COMMD10: variants seen among roughly 807,000 people sequenced by gnomAD.
The protein encoded by COMMD10 is COMM domain-containing protein 10.
In COMMD10, 33 loss-of-function variants were observed where a neutral mutation model predicts 28.9. The observed-to-expected ratio is 1.14, with a 90% CI of 0.87 to 1.53. COMMD10 has a LOEUF of 1.53. Among genes scored for constraint, COMMD10 ranks in the 40% most tolerant of loss-of-function variants. The pLI is 0.00. For synonymous variants in COMMD10, 110 were observed against 81.7 expected, an observed-to-expected ratio of 1.35 and a Z score of -1.87; for missense variants, 310 against 233.4, an observed-to-expected ratio of 1.33 and a Z score of -2.14.
At chr5:116,101,829 C>G (rs1213941999) in intron 4 of COMMD10, among the ~76,000 whole-genome samples, 1 of 152,152 alleles carries the variant, frequency 6.6e-6, no homozygotes, top group Non-Finnish European at 1.5e-5. Context: ...TTAAATGTAT[C>G]TGTTGGCCAT....
chr5:116,286,663 G>C (rs1451394036), intron 5 of COMMD10, among the ~76,000 whole-genome samples: 1 of 151,594 alleles, frequency 6.6e-6, no homozygotes, highest in African/African-American at 2.4e-5. Flanking sequence ...CGTATTTGTA[G>C]ATTTCCCAGT....
chr5:116,205,881 C>T (rs1748799304), intron 5 of COMMD10, among the ~76,000 whole-genome samples: 2 of 152,004 alleles, frequency 1.3e-5, no homozygotes, highest in African/African-American at 4.8e-5. Flanking sequence ...TATATATTTG[C>T]TTTACATTAT....
At chr5:116,157,237 T>C (rs1049763202) in intron 5 of COMMD10, among the ~76,000 whole-genome samples, 1 of 152,226 alleles carries the variant, frequency 6.6e-6, no homozygotes, top group African/African-American at 2.4e-5. Context: ...TTTTATTTTT[T>C]TAAATTGTGG....
intron 5 of COMMD10, among the ~76,000 whole-genome samples, chr5:116,288,519 C>T (rs1214106450): frequency 3.3e-5 from 5 of 151,790 alleles, no homozygotes; most frequent in Admixed American, 6.6e-5. Context: ...ATTTTTTCTT[C>T]AGATAAGCTC....
At chr5:116,251,513 A>T (rs537614377) in intron 5 of COMMD10, among the ~76,000 whole-genome samples, 6 of 146,720 alleles carry the variant, frequency 4.1e-5, no homozygotes, top group Non-Finnish European at 9.0e-5. Context: ...TCATTGTTCA[A>T]TTCCCACCTA....
chr5:116,164,899 C>T (rs1210380297), intron 5 of COMMD10, among the ~76,000 whole-genome samples: 1 of 152,086 alleles, frequency 6.6e-6, no homozygotes. Flanking sequence ...ATAGCCTGAG[C>T]CCTGGAATTT....
intron 5 of COMMD10, among the ~76,000 whole-genome samples, chr5:116,179,287 T>C (rs150118159): frequency 7.2e-5 from 11 of 152,266 alleles, no homozygotes; most frequent in African/African-American, 2.4e-4. Flanking sequence ...AAACAGATTT[T>C]AGGAATAATC....
intron 5 of COMMD10, among the ~76,000 whole-genome samples, chr5:116,145,794 C>A (rs868862999): frequency 6.6e-6 from 1 of 151,770 alleles, no homozygotes; most frequent in Admixed American, 6.6e-5. Flanking sequence ...GGCTCTTACC[C>A]CTTTGCTCAG....
intron 4 of COMMD10, among the ~76,000 whole-genome samples, chr5:116,133,617 A>G (rs139627964): frequency 7.9e-5 from 12 of 152,308 alleles, no homozygotes; most frequent in African/African-American, 2.6e-4. Context: ...TCTTACCTGT[A>G]TAGTACCTAC....
At chr5:116,113,010 A>C (rs927484673) in intron 4 of COMMD10, among the ~76,000 whole-genome samples, 3 of 152,192 alleles carry the variant, frequency 2.0e-5, no homozygotes, top group Non-Finnish European at 4.4e-5. Context: ...GGACTGGTCT[A>C]GTTTTCATGA....
At chr5:116,170,583 C>A (rs143961341) in intron 5 of COMMD10, among the ~76,000 whole-genome samples, 1 of 152,094 alleles carries the variant, frequency 6.6e-6, no homozygotes, top group Non-Finnish European at 1.5e-5. Flanking sequence ...TAACTTAAAA[C>A]TATACTACAA....
chr5:116,096,366 T>C (rs1459805452), intron 4 of COMMD10, among the ~76,000 whole-genome samples: 1 of 151,830 alleles, frequency 6.6e-6, no homozygotes, highest in African/African-American at 2.4e-5. Flanking sequence ...CTATTGGTAG[T>C]ATTTTTCAAA....
At chr5:116,258,277 A>C (rs1439838148) in intron 5 of COMMD10, among the ~76,000 whole-genome samples, 3 of 151,754 alleles carry the variant, frequency 2.0e-5, no homozygotes, top group African/African-American at 7.3e-5. Flanking sequence ...CCCCTAGATA[A>C]GATCTGTAGC....
intron 4 of COMMD10, among the ~76,000 whole-genome samples, chr5:116,133,419 T>A (rs1376170306): frequency 3.9e-5 from 6 of 152,242 alleles, no homozygotes; most frequent in African/African-American, 1.2e-4. Context: ...AATGTTCTGA[T>A]TAGTTTCTGT....
intron 4 of COMMD10, among the ~76,000 whole-genome samples, chr5:116,103,480 CTG>C (rs1277335671): frequency 6.6e-6 from 1 of 152,142 alleles, no homozygotes; most frequent in Non-Finnish European, 1.5e-5. Flanking sequence ...TGAGAAGTGT[CTG>C]TTCATATCCT....
Position 116,292,445 on chromosome 5 carries a change from A to G in COMMD10, c.571-6A>G, listed in dbSNP as rs750288311. ...CGTCTTTTTTTTTTTTTGTCTTTGT[A>G]AATAGCTAGAGACTATACAAGCACA... is the stretch of plus-strand genomic sequence containing the variant. On this transcript the variant is annotated splice_polypyrimidine_tract_variant and splice_region_variant and intron_variant, in intron 6 of 6. Transcript: ENST00000274458. The G allele has an allele frequency of 2.0e-6, 3 of 1,481,876 alleles. No homozygotes were observed. The highest frequency in any genetic ancestry group is 1.8e-6 in the Non-Finnish European group (2 of 1,116,512). The allele number at this position is 1,481,876 out of a possible 1,614,324, so 91.8% of individuals were successfully genotyped here.
intron 5 of COMMD10, among the ~76,000 whole-genome samples, chr5:116,138,803 AT>A (rs1377883944): frequency 6.6e-6 from 1 of 151,750 alleles, no homozygotes; most frequent in Non-Finnish European, 1.5e-5. Flanking sequence ...CTTCATTCTT[AT>A]TTCCAAAATA....
chr5:116,256,317 T>C (rs1363296031), intron 5 of COMMD10, among the ~76,000 whole-genome samples: 1 of 151,740 alleles, frequency 6.6e-6, no homozygotes, highest in African/African-American at 2.4e-5. Context: ...GGTTGTTGAG[T>C]ATATGAAGAA....
chr5:116,149,229 A>C (rs1249583836), intron 5 of COMMD10, among the ~76,000 whole-genome samples: 6 of 146,352 alleles, frequency 4.1e-5, no homozygotes, highest in East Asian at 4.0e-4. Context: ...TATATATGTG[A>C]CACATTTTCT....
Sources: allele counts gnomAD v4.1 joint callset (sites outside exome capture counted in the v4.1 genomes callset), GRCh38; gene constraint gnomAD v4.1.1; transcripts MANE v1.5; gene names NCBI Gene and HGNC (gene_info 2026-07-23, HGNC 2026-07-21).